RSPO2: variants seen among roughly 807,000 people sequenced by gnomAD.
The protein encoded by RSPO2 is R-spondin-2.
In RSPO2, 14 loss-of-function variants were observed where a neutral mutation model predicts 30.9. The ratio of observed to expected loss-of-function variants is 0.45; its 90% confidence interval spans 0.30 to 0.71. The LOEUF (loss-of-function observed/expected upper bound fraction) is 0.71, where lower values mean the gene tolerates loss of function less well. Among genes scored for constraint, RSPO2 ranks in the 30% least tolerant of loss-of-function variants. The pLI, the probability that RSPO2 is intolerant of heterozygous loss-of-function variation, is 0.08. For missense variants in RSPO2, 264 were observed against 301.9 expected (o/e 0.87, Z 0.93); for synonymous variants, 107 against 96.4 (o/e 1.11, Z -0.64).
chr8:107,951,170 C>G (rs566956164), intron 5 of RSPO2, among the ~76,000 whole-genome samples: 6 of 151,870 alleles, frequency 4.0e-5, no homozygotes, highest in Non-Finnish European at 7.4e-5. Flanking sequence ...ATTCTTCTGC[C>G]TCAGCCTCCC....
chr8:107,965,238 G>A (rs1018099454), intron 3 of RSPO2, among the ~76,000 whole-genome samples: 1 of 152,132 alleles, frequency 6.6e-6, no homozygotes, highest in Non-Finnish European at 1.5e-5. Context: ...AATGAGGACT[G>A]CCAATATTGG....
At chr8:108,076,025 C>T (rs1452369324) in intron 2 of RSPO2, among the ~76,000 whole-genome samples, 1 of 151,988 alleles carries the variant, frequency 6.6e-6, no homozygotes, top group Admixed American at 6.6e-5. Flanking sequence ...TAAGAATAGC[C>T]CAGAAATCTA....
At chr8:107,979,540 G>C (rs189267728) in intron 3 of RSPO2, among the ~76,000 whole-genome samples, 1 of 152,160 alleles carries the variant, frequency 6.6e-6, no homozygotes, top group Admixed American at 6.5e-5. Context: ...GTGGGGTAGC[G>C]GGAAGGGGGA....
At chr8:108,020,107 A>T (rs1231305205) in intron 2 of RSPO2, among the ~76,000 whole-genome samples, 1 of 151,182 alleles carries the variant, frequency 6.6e-6, no homozygotes, top group East Asian at 1.9e-4. Context: ...AAGAAGAAAC[A>T]GTAGCTTTTC....
intron 2 of RSPO2, among the ~76,000 whole-genome samples, chr8:108,046,536 G>A (rs1001343369): frequency 2.0e-5 from 3 of 151,860 alleles, no homozygotes; most frequent in East Asian, 1.9e-4. Flanking sequence ...TAAACCATTC[G>A]TTTAGGGAAA....
intron 5 of RSPO2, among the ~76,000 whole-genome samples, chr8:107,931,277 T>G (rs574371931): frequency 6.6e-6 from 1 of 152,180 alleles, no homozygotes; most frequent in African/African-American, 2.4e-5. Context: ...AAGTGTGTCT[T>G]TATTCTCCCC....
intron 5 of RSPO2, among the ~76,000 whole-genome samples, chr8:107,954,189 T>A (rs1411251582): frequency 6.6e-6 from 1 of 152,190 alleles, no homozygotes; most frequent in African/African-American, 2.4e-5. Flanking sequence ...TGTTGGTCAA[T>A]CCTCCTGTGA....
chr8:108,003,930 C>T (rs1359609020), intron 2 of RSPO2, among the ~76,000 whole-genome samples: 1 of 152,136 alleles, frequency 6.6e-6, no homozygotes, highest in Non-Finnish European at 1.5e-5. Flanking sequence ...GGAAGAAATG[C>T]ATTATACCAT....
chr8:107,971,212 G>A (rs1310194241), intron 3 of RSPO2, among the ~76,000 whole-genome samples: 1 of 152,140 alleles, frequency 6.6e-6, no homozygotes, highest in African/African-American at 2.4e-5. Context: ...TCACTTACAA[G>A]AACTACCAAA....
chr8:108,076,735 G>A (rs1257470519), intron 2 of RSPO2, among the ~76,000 whole-genome samples: 1 of 152,060 alleles, frequency 6.6e-6, no homozygotes, highest in Non-Finnish European at 1.5e-5. Flanking sequence ...GGAGATCTGA[G>A]TGTAGGATAA....
At chr8:108,065,172 TA>T (rs939525143) in intron 2 of RSPO2, among the ~76,000 whole-genome samples, 58 of 140,154 alleles carry the variant, frequency 4.1e-4, no homozygotes, top group Admixed American at 7.3e-4. Context: ...AAGTATAAGT[TA>T]AAAAAAAAAG....
chr8:107,958,878 C>T (rs946096063), intron 4 of RSPO2, among the ~76,000 whole-genome samples: 3 of 152,122 alleles, frequency 2.0e-5, no homozygotes, highest in Non-Finnish European at 4.4e-5. Context: ...GACTTGATCT[C>T]GTTCTTTTTT....
intron 2 of RSPO2, among the ~76,000 whole-genome samples, chr8:108,058,796 T>A (rs565117494): frequency 6.6e-6 from 1 of 151,944 alleles, no homozygotes; most frequent in South Asian, 2.1e-4. Context: ...GCTAGCTATA[T>A]GTAGAAAGCT....
chr8:108,006,295 G>T (rs1040916199), intron 2 of RSPO2, among the ~76,000 whole-genome samples: 1 of 152,042 alleles, frequency 6.6e-6, no homozygotes. Flanking sequence ...TGTACAAAAG[G>T]ATATATTCAG....
At chr8:108,015,131 T>C (rs1228590476) in intron 2 of RSPO2, among the ~76,000 whole-genome samples, 1 of 152,190 alleles carries the variant, frequency 6.6e-6, no homozygotes, top group African/African-American at 2.4e-5. Context: ...GCAGCATAAG[T>C]ATATCCTCTA....
intron 3 of RSPO2, among the ~76,000 whole-genome samples, chr8:107,968,599 A>AC (rs1207885784): frequency 6.6e-6 from 1 of 151,988 alleles, no homozygotes; most frequent in African/African-American, 2.4e-5. Flanking sequence ...TGTTCCCAAC[A>AC]CAAAAAAAAT....
At chr8:108,053,611 G>T (rs929164201) in intron 2 of RSPO2, among the ~76,000 whole-genome samples, 2 of 152,018 alleles carry the variant, frequency 1.3e-5, no homozygotes, top group African/African-American at 4.8e-5. Flanking sequence ...AAATATACTG[G>T]ACATAGTAAG....
At chr8:107,901,798 A>G (rs997173083) in intron 5 of RSPO2, among the ~76,000 whole-genome samples, 2 of 152,208 alleles carry the variant, frequency 1.3e-5, no homozygotes, top group African/African-American at 4.8e-5. Flanking sequence ...AGTTGTTGTT[A>G]TTAATGGAGA....
chr8:107,904,451 AGTGTCTT>A, intron 5 of RSPO2, among the ~76,000 whole-genome samples: 1 of 152,004 alleles, frequency 6.6e-6, no homozygotes, highest in Non-Finnish European at 1.5e-5. Context: ...CTTTATCCCT[AGTGTCTT>A]GAGAATGCAG....
Sources: allele counts gnomAD v4.1 joint callset (sites outside exome capture counted in the v4.1 genomes callset), GRCh38; gene constraint gnomAD v4.1.1; transcripts MANE v1.5; gene names NCBI Gene and HGNC (gene_info 2026-07-23, HGNC 2026-07-21).